The following PTPRG variants were observed in gnomAD, a reference collection of about 807,000 sequenced individuals.
PTPRG encodes the protein protein tyrosine phosphatase receptor type G, also known as receptor-type tyrosine-protein phosphatase gamma.
In PTPRG, 102 loss-of-function variants were observed where a neutral mutation model predicts 165.3. The ratio of observed to expected loss-of-function variants is 0.62; its 90% confidence interval spans 0.53 to 0.73. The LOEUF (loss-of-function observed/expected upper bound fraction) is 0.73, where lower values mean the gene tolerates loss of function less well. PTPRG is among the 30% of genes least tolerant of loss of function. The pLI is 0.00. For synonymous variants in PTPRG, 675 were observed against 669.5 expected (o/e 1.01, Z -0.13); for missense variants, 1,866 against 1,861.4 (o/e 1.00, Z -0.05).
Position 62,187,596 on chromosome 3 carries a change from G to T in PTPRG, c.1034-3873G>T, listed in dbSNP as rs145570989. ...TGCTTCAAAGGTGGAATCAGTAGTG[G>T]TTACGAGAGACCATGTGGCCTGCAA... On this transcript the variant is annotated intron_variant, in intron 8 of 29. Transcript: ENST00000474889. Among the ~76,000 whole-genome samples, 1,382 of 152,328 alleles carry T rather than the reference G, an allele frequency of 9.1e-3. 27 individuals carry two copies. Among genetic ancestry groups the T allele is most frequent in the African/African-American group, 0.031 (1,273 of 41,558 alleles).
intron 1 of PTPRG, among the ~76,000 whole-genome samples, chr3:61,640,126 AC>A (rs1305310798): frequency 6.6e-6 from 1 of 152,070 alleles, no homozygotes; most frequent in Non-Finnish European, 1.5e-5. Context: ...TTAAACTCTT[AC>A]CAGCCAGATA....
chr3:61,704,782 C>A (rs561090710), intron 1 of PTPRG, among the ~76,000 whole-genome samples: 1 of 152,224 alleles, frequency 6.6e-6, no homozygotes, highest in Non-Finnish European at 1.5e-5. Context: ...GTTCCCATTC[C>A]CCTGCTTACT....
At chr3:61,586,011 T>C (rs1254761967) in intron 1 of PTPRG, among the ~76,000 whole-genome samples, 1 of 152,240 alleles carries the variant, frequency 6.6e-6, no homozygotes, top group Non-Finnish European at 1.5e-5. Context: ...GCTATTGGAT[T>C]ATAACATGAA....
chr3:62,028,651 G>A (rs1438553791), intron 4 of PTPRG, among the ~76,000 whole-genome samples: 1 of 152,138 alleles, frequency 6.6e-6, no homozygotes, highest in Non-Finnish European at 1.5e-5. Context: ...TAGCATTCCT[G>A]GGTTGCACAT....
intron 4 of PTPRG, among the ~76,000 whole-genome samples, chr3:62,016,150 T>G (rs901567363): frequency 4.6e-5 from 7 of 152,134 alleles, no homozygotes; most frequent in Non-Finnish European, 7.3e-5. Context: ...GATTTGGCAT[T>G]CTTACAGTTT....
intron 5 of PTPRG, among the ~76,000 whole-genome samples, chr3:62,110,789 C>CA (rs1326895428): frequency 2.6e-5 from 4 of 152,190 alleles, no homozygotes; most frequent in Non-Finnish European, 5.9e-5. Context: ...TCTGCATACA[C>CA]AATACTTGCT....
chr3:62,011,552 T>C (rs1040837158), intron 4 of PTPRG, among the ~76,000 whole-genome samples: 1 of 151,662 alleles, frequency 6.6e-6, no homozygotes, highest in African/African-American at 2.4e-5. Context: ...GGGAAAGGAA[T>C]TGGTTGAAAT....
chr3:61,713,570 C>G lies in PTPRG; in HGVS notation c.86-35308C>G, dbSNP rs149596481. Among the ~76,000 whole-genome samples the G allele has an allele frequency of 5.8e-3, 889 of 152,270 alleles. 4 individuals carry two copies. Among genetic ancestry groups the G allele is most frequent in the Non-Finnish European group, 9.8e-3 (667 of 68,032 alleles). ...ATGAGGCAGATAAAATACCCTTCCCCTTCCCCATGGACCTTAAATTCAGGT... is the reference window on the plus strand; with the variant it reads ...ATGAGGCAGATAAAATACCCTTCCCGTTCCCCATGGACCTTAAATTCAGGT... On this transcript the variant is annotated intron_variant, in intron 1 of 29. Coordinates refer to ENST00000474889, the MANE Select transcript of PTPRG (RefSeq NM_002841.4).
intron 6 of PTPRG, among the ~76,000 whole-genome samples, chr3:62,135,450 A>G (rs1703672147): frequency 6.6e-6 from 1 of 152,180 alleles, no homozygotes; most frequent in East Asian, 1.9e-4. Flanking sequence ...AAAAATCAAT[A>G]TGGATTTCTG....
chr3:61,587,028 G>A (rs569877465), intron 1 of PTPRG, among the ~76,000 whole-genome samples: 50 of 152,236 alleles, frequency 3.3e-4, no homozygotes, highest in African/African-American at 1.2e-3. Flanking sequence ...GGGGGATGGG[G>A]GTAGTGTTCT....
At chr3:61,971,085 C>T (rs551750702) in intron 2 of PTPRG, among the ~76,000 whole-genome samples, 14 of 152,236 alleles carry the variant, frequency 9.2e-5, no homozygotes, top group South Asian at 2.1e-4. Flanking sequence ...AACGGAATGT[C>T]GCTGTCACCC....
chr3:61,672,406 C>T (rs1421901429), intron 1 of PTPRG, among the ~76,000 whole-genome samples: 2 of 136,278 alleles, frequency 1.5e-5, no homozygotes, highest in Non-Finnish European at 3.2e-5. Context: ...CGAGATCACG[C>T]CACTGCACTC....
rs753654008 is a variant in PTPRG, at chr3:62,271,431, C to T, written c.3058C>T (p.Gln1020Ter). 1.9e-6 allele frequency: 3 copies of T among 1,612,768 alleles called. No homozygotes were observed. Among genetic ancestry groups the T allele is most frequent in the African/African-American group, 1.3e-5 (1 of 74,900 alleles). The change falls in exon 21 of 30, where the codon CAG (glutamine) becomes TAG (stop). Residue 1020 changes from glutamine (Q) to a stop codon, truncating the protein, a stop_gained. Coordinates refer to ENST00000474889, the MANE Select transcript of PTPRG (RefSeq NM_002841.4). LOFTEE classifies it high-confidence loss of function. The surrounding 1 kb of genome is among the most constrained non-coding windows in gnomAD (Gnocchi z 4.1). ...KGRQNERVVI[Q>*]YHYTQWPDMG... ...TCGTCAGAATGAAAGGGTAGTGATC[C>T]AGTATCACTATACACAGTGGCCTGA...
At chr3:61,945,560 C>CA (rs71123242) in intron 2 of PTPRG, among the ~76,000 whole-genome samples, 15,629 of 55,290 alleles carry the variant, frequency 0.28, 3,718 homozygotes, top group Non-Finnish European at 0.38. Flanking sequence ...ACTCCGTCAC[C>CA]AAAAAAAAAA....
intron 2 of PTPRG, among the ~76,000 whole-genome samples, chr3:61,937,354 C>T (rs1017548948): frequency 3.9e-5 from 6 of 152,118 alleles, no homozygotes; most frequent in African/African-American, 1.4e-4. Flanking sequence ...CTTTTGAATC[C>T]CGTGGTAGCT....
chr3:62,274,517 A>ATT (rs1340950079), intron 23 of PTPRG, among the ~76,000 whole-genome samples: 1 of 152,070 alleles, frequency 6.6e-6, no homozygotes, highest in Non-Finnish European at 1.5e-5. Flanking sequence ...GTGCTTTCCT[A>ATT]TTTATCTTTG....
rs149342483 is a variant in PTPRG, at chr3:62,066,470, C to T, written c.520-11693C>T. 6.2e-3 allele frequency among the ~76,000 whole-genome samples: 947 copies of T among 152,164 alleles called. 6 individuals carry two copies. Among genetic ancestry groups the T allele is most frequent in the Non-Finnish European group, 0.011 (727 of 68,010 alleles). On this transcript the variant is annotated intron_variant, in intron 4 of 29. Coordinates refer to ENST00000474889, the MANE Select transcript of PTPRG (RefSeq NM_002841.4). ...CATGGTGAATCATGTGGCTGTTACT[C>T]CCAAGTACAAAGCAATTTCTAAAAA... is the stretch of plus-strand genomic sequence containing the variant.
chr3:61,864,426 T>G (rs2037351689), intron 2 of PTPRG, among the ~76,000 whole-genome samples: 2 of 151,930 alleles, frequency 1.3e-5, no homozygotes, highest in Non-Finnish European at 2.9e-5. Context: ...GATCGCTGAG[T>G]ATGGAGAATC....
At chr3:61,985,507 A>C (rs561561706) in intron 2 of PTPRG, among the ~76,000 whole-genome samples, 5 of 152,294 alleles carry the variant, frequency 3.3e-5, no homozygotes, top group Admixed American at 6.5e-5. Context: ...GGATTATCTA[A>C]TATAATCCTT....
Sources: gnomAD v4.1 joint callset for allele counts (sites outside exome capture counted in the v4.1 genomes callset) on GRCh38, gnomAD v4.1.1 for gene constraint, Gnocchi (gnomAD v3.1) non-coding constraint, MANE v1.5 for transcripts, NCBI Gene and HGNC (gene_info 2026-07-23, HGNC 2026-07-21) for gene names.